SLC26A7: variants seen among roughly 807,000 people sequenced by gnomAD.
SLC26A7 encodes anion exchange transporter.
In SLC26A7, 59 loss-of-function variants were observed where a neutral mutation model predicts 82.5. The observed-to-expected ratio is 0.72, with a 90% CI of 0.58 to 0.89. The LOEUF (loss-of-function observed/expected upper bound fraction) is 0.89, where lower values mean the gene tolerates loss of function less well. Among genes scored for constraint, SLC26A7 ranks in the 40% least tolerant of loss-of-function variants. SLC26A7 has a pLI of 0.00. For missense variants in SLC26A7, 820 were observed against 793.0 expected, an observed-to-expected ratio of 1.03 and a Z score of -0.41; for synonymous variants, 271 against 274.3, an observed-to-expected ratio of 0.99 and a Z score of 0.12.
chr8:91,268,849 T>C (rs1290958753), intron 2 of SLC26A7, among the ~76,000 whole-genome samples: 1 of 151,722 alleles, frequency 6.6e-6, no homozygotes, highest in Non-Finnish European at 1.5e-5. Context: ...GTATCCATTA[T>C]AGATTTTTTT....
intron 15 of SLC26A7, among the ~76,000 whole-genome samples, chr8:91,387,969 G>C (rs988589360): frequency 6.6e-6 from 1 of 152,128 alleles, no homozygotes; most frequent in South Asian, 2.1e-4. Context: ...TATAAATACA[G>C]ATCTAAAGAT....
chr8:91,263,673 G>A (rs1034321615), intron 2 of SLC26A7, among the ~76,000 whole-genome samples: 1 of 151,944 alleles, frequency 6.6e-6, no homozygotes, highest in African/African-American at 2.4e-5. Context: ...CCTTTGCAAG[G>A]TTCCTCGTGT....
In SLC26A7 at chr8:91,395,714, A is replaced by G. The variant is rs1312488168; in HGVS notation, c.*617A>G. 1.3e-5 allele frequency: 2 copies of G among 152,160 alleles called. No homozygotes were observed. The highest frequency in any genetic ancestry group is 2.4e-5 in the African/African-American group (1 of 41,450). 9.4% of individuals were successfully genotyped at this position (152,160 alleles called of 1,614,324 possible). The stretch of plus-strand genomic sequence containing the variant: ...TTCTGAAGTATTCAGGAATGTTTTC[A>G]TAATCGAAAGAAACGGGTATCCAAA... On this transcript the variant is annotated 3_prime_UTR_variant, in exon 19 of 19. Transcript: ENST00000276609.
chr8:91,319,827 T>G (rs1489713797), intron 5 of SLC26A7, among the ~76,000 whole-genome samples: 1 of 152,216 alleles, frequency 6.6e-6, no homozygotes, highest in African/African-American at 2.4e-5. Flanking sequence ...GAATCATATC[T>G]GCATACACAA....
At chr8:91,302,721 C>G (rs1812201376) in intron 4 of SLC26A7, among the ~76,000 whole-genome samples, 1 of 151,946 alleles carries the variant, frequency 6.6e-6, no homozygotes, top group Non-Finnish European at 1.5e-5. Context: ...ACTCCGTTAG[C>G]TCCCCTCCTC....
chr8:91,376,671 G>C (rs1192717496), intron 15 of SLC26A7, among the ~76,000 whole-genome samples: 1 of 152,054 alleles, frequency 6.6e-6, no homozygotes, highest in Non-Finnish European at 1.5e-5. Flanking sequence ...TTATTTTGTG[G>C]GGCAGTTCAG....
In SLC26A7 at chr8:91,363,453, C is replaced by G. The variant is rs1222046072; in HGVS notation, c.1422-19C>G. 2.1e-6 allele frequency: 3 copies of G among 1,423,812 alleles called. No homozygotes were observed. The highest frequency in any genetic ancestry group is 1.9e-6 in the Non-Finnish European group (2 of 1,034,462). 88.2% of individuals were successfully genotyped at this position (1,423,812 alleles called of 1,614,324 possible). A position where few individuals can be genotyped will look rare whatever the true frequency, so the allele number is the denominator to read the frequency against. On this transcript the variant is annotated intron_variant, in intron 12 of 18. Transcript: ENST00000276609. ...ATTAGGAAATGACTTGTTTTATTTT[C>G]TATCTGCTTTAATTTCAGAGCAATG...
intron 2 of SLC26A7, among the ~76,000 whole-genome samples, chr8:91,271,687 C>T (rs371109967): frequency 6.5e-4 from 99 of 151,234 alleles, no homozygotes; most frequent in African/African-American, 2.1e-3. Flanking sequence ...TTCTGCCTCC[C>T]GGGTTCACCC....
At chr8:91,308,113 C>T (rs1812373482) in intron 4 of SLC26A7, among the ~76,000 whole-genome samples, 1 of 152,026 alleles carries the variant, frequency 6.6e-6, no homozygotes, top group Non-Finnish European at 1.5e-5. Context: ...ATTGCTGAGA[C>T]TTTTTAAATT....
At chr8:91,281,206 A>T (rs1017001155) in intron 2 of SLC26A7, among the ~76,000 whole-genome samples, 1 of 152,254 alleles carries the variant, frequency 6.6e-6, no homozygotes, top group Non-Finnish European at 1.5e-5. Context: ...AAACACCAGT[A>T]GCCCTCTTTT....
In SLC26A7 at chr8:91,307,691, C is replaced by T. The variant is rs1586389766; in HGVS notation, c.478-10525C>T. ...GGAGGGATAGCATTGGGAGATATAC[C>T]TAATGCTAGATGACGAGTTAGTGGG... On this transcript the variant is annotated intron_variant, in intron 4 of 18. Coordinates refer to ENST00000276609, the MANE Select transcript of SLC26A7 (RefSeq NM_052832.4). Among the ~76,000 whole-genome samples, 6 of 134,986 alleles carry T rather than the reference C, an allele frequency of 4.4e-5. No individual in the cohort carries two copies. In the South Asian group the frequency reaches 1.6e-3, roughly 35 times the overall value. The allele number at this position is 134,986 out of a possible 152,430, so 88.6% of individuals were successfully genotyped here.
At chr8:91,239,756 T>G (rs1289857299) in intron 2 of SLC26A7, among the ~76,000 whole-genome samples, 3 of 152,152 alleles carry the variant, frequency 2.0e-5, no homozygotes, top group African/African-American at 7.2e-5. Flanking sequence ...CACAGATGGA[T>G]TTGAGTTGTT....
intron 7 of SLC26A7, among the ~76,000 whole-genome samples, chr8:91,339,596 T>C (rs1317017177): frequency 6.6e-6 from 1 of 151,996 alleles, no homozygotes; most frequent in Non-Finnish European, 1.5e-5. Context: ...TCAACATGAA[T>C]TCTCTTCCTG....
At chr8:91,269,540 T>C (rs1811209516) in intron 2 of SLC26A7, among the ~76,000 whole-genome samples, 1 of 152,176 alleles carries the variant, frequency 6.6e-6, no homozygotes, top group Non-Finnish European at 1.5e-5. Context: ...CTTTTGCTAC[T>C]TTGAGTATTC....
intron 4 of SLC26A7, among the ~76,000 whole-genome samples, chr8:91,310,193 C>T (rs912535176): frequency 6.6e-6 from 1 of 152,126 alleles, no homozygotes; most frequent in African/African-American, 2.4e-5. Context: ...GGGCCCTCTA[C>T]TGCCCTGCTC....
At chr8:91,346,003 G>A (rs575611685) in intron 9 of SLC26A7, among the ~76,000 whole-genome samples, 1 of 152,054 alleles carries the variant, frequency 6.6e-6, no homozygotes, top group Non-Finnish European at 1.5e-5. Context: ...TGTTCTGGAG[G>A]CCACACATTT....
chr8:91,259,725 G>T (rs961818332), intron 2 of SLC26A7, among the ~76,000 whole-genome samples: 4 of 151,960 alleles, frequency 2.6e-5, no homozygotes, highest in Non-Finnish European at 5.9e-5. Context: ...CCCCTGCCTT[G>T]TCCCTTTCAC....
In SLC26A7 at chr8:91,332,227, A is replaced by G. The variant is rs868663229; in HGVS notation, c.643-2068A>G. Among the ~76,000 whole-genome samples, 1,321 of 144,444 alleles carry G rather than the reference A, an allele frequency of 9.1e-3. 12 individuals carry two copies. The highest frequency in any genetic ancestry group is 0.032 in the African/African-American group (1,259 of 39,882). The allele number at this position is 144,444 out of a possible 152,430, so 94.8% of individuals were successfully genotyped here. On this transcript the variant is annotated intron_variant, in intron 5 of 18. Coordinates refer to ENST00000276609, the MANE Select transcript of SLC26A7 (RefSeq NM_052832.4). ...ACCTCTTTCTATATATATTCAATAT[A>G]TATTTAATTAATATTTAATTATATA...
upstream of SLC26A7, chr8:91,249,309 C>T (rs1039955904): frequency 1.8e-5 from 3 of 165,274 alleles, no homozygotes; most frequent in Admixed American, 1.3e-4. Context: ...GAATTACTGG[C>T]GAGAGAGCTG....
Sources: allele counts gnomAD v4.1 joint callset (sites outside exome capture counted in the v4.1 genomes callset), GRCh38; gene constraint gnomAD v4.1.1; transcripts MANE v1.5; gene names NCBI Gene and HGNC (gene_info 2026-07-23, HGNC 2026-07-21).